The following SYT6 variants were observed in gnomAD, a reference collection of about 807,000 sequenced individuals.
SYT6 encodes the protein synaptotagmin-6.
SYT6 carries 24 observed loss-of-function variants against 38.4 expected under a neutral mutation model. The ratio of observed to expected loss-of-function variants is 0.62; its 90% CI spans 0.45 to 0.88. The LOEUF is 0.88. Ranked by LOEUF, SYT6 falls within the 40% of genes least tolerant of loss-of-function variation. SYT6 has a pLI of 0.00. For synonymous variants in SYT6, 265 were observed against 241.9 expected, an observed-to-expected ratio of 1.10 and a Z score of -0.89; for missense variants, 611 against 621.0, an observed-to-expected ratio of 0.98 and a Z score of 0.17.
intron 3 of SYT6, among the ~76,000 whole-genome samples, chr1:114,106,171 AG>A (rs1676300664): frequency 6.6e-6 from 1 of 152,184 alleles, no homozygotes; most frequent in African/African-American, 2.4e-5. Flanking sequence ...TGAGGTGTAA[AG>A]AGAAGCCCCT....
chr1:114,140,063 C>T (rs897996299), intron 1 of SYT6, 100 bp from the exon 2 acceptor site: 22 of 668,656 alleles, frequency 3.3e-5, no homozygotes, highest in Non-Finnish European at 4.6e-5. Flanking sequence ...GGGACAAAGA[C>T]GGAAGAAGAG....
At chr1:114,111,471 T>C (rs2101012216) in intron 3 of SYT6, among the ~76,000 whole-genome samples, 1 of 152,262 alleles carries the variant, frequency 6.6e-6, no homozygotes, top group Non-Finnish European at 1.5e-5. Flanking sequence ...TGATGACACC[T>C]CCTCACTAAA....
rs1243089680 is a variant in SYT6 at position 114,092,099 on chromosome 1, A to G, written c.*52-17T>C. 3.3e-6 allele frequency: 5 copies of G among 1,535,466 alleles called. No individual in the cohort carries two copies. The highest frequency in any genetic ancestry group is 4.4e-6 in the Non-Finnish European group (5 of 1,146,500). ...GCCCTGCCACTGCAAAGAGGAGAAC[A>G]ATCTGTTTATTAATTGCTAAAGGAA... On this transcript the variant is annotated splice_polypyrimidine_tract_variant and intron_variant, in intron 7 of 7. Coordinates refer to ENST00000610222, the MANE Select transcript of SYT6 (RefSeq NM_001253772.2).
At chr1:114,119,908 A>G (rs2101034888) in intron 3 of SYT6, among the ~76,000 whole-genome samples, 1 of 152,188 alleles carries the variant, frequency 6.6e-6, no homozygotes, top group Admixed American at 6.5e-5. Context: ...TGTCTCTACT[A>G]AAAATACAAA....
At chr1:114,133,115 A>G (rs1233840905) in intron 3 of SYT6, among the ~76,000 whole-genome samples, 3 of 152,054 alleles carry the variant, frequency 2.0e-5, no homozygotes. Context: ...ACACACACAC[A>G]CACAAATGCA....
intron 5 of SYT6, 140 bp from the exon 6 acceptor site, chr1:114,098,017 T>G: frequency 1.0e-6 from 1 of 968,970 alleles, no homozygotes; most frequent in Non-Finnish European, 1.5e-6. Context: ...TTGGCAGGGC[T>G]TCTGGGTGTC....
rs534429124 is a variant in SYT6 at position 114,091,370 on chromosome 1, G to A, written c.*764C>T. On this transcript the variant is annotated 3_prime_UTR_variant, in exon 8 of 8. Coordinates refer to ENST00000610222, the MANE Select transcript of SYT6 (RefSeq NM_001253772.2). ...CTAAGTTCCCATGAGGAATCAAGAC[G>A]TTTTCAATTCATGGGGAAAGCCAGC... is the stretch of plus-strand genomic sequence containing the variant. 2 of 152,522 alleles carry A rather than the reference G, an allele frequency of 1.3e-5. No homozygotes were observed. Among genetic ancestry groups the A allele is most frequent in the South Asian group, 4.1e-4 (2 of 4,830 alleles). 9.4% of individuals were successfully genotyped at this position (152,522 alleles called of 1,614,324 possible).
At chr1:114,135,967 G>A (rs1010549532) in intron 3 of SYT6, among the ~76,000 whole-genome samples, 30 of 152,148 alleles carry the variant, frequency 2.0e-4, no homozygotes, top group African/African-American at 6.3e-4. Flanking sequence ...TCGGGCCTGG[G>A]GCTGCCACAG....
chr1:114,102,929 C>T (rs1025159329), intron 4 of SYT6, among the ~76,000 whole-genome samples: 1 of 152,218 alleles, frequency 6.6e-6, no homozygotes, highest in African/African-American at 2.4e-5. Context: ...AAGACTCAAA[C>T]CTCTGACACT....
intron 1 of SYT6, among the ~76,000 whole-genome samples, chr1:114,147,709 T>A (rs936100603): frequency 1.3e-5 from 2 of 152,258 alleles, no homozygotes; most frequent in Non-Finnish European, 2.9e-5. Context: ...TTGCGTGACC[T>A]TGAGCAAGTT....
Position 114,091,918 on chromosome 1 carries a change from G to T in SYT6, c.*216C>A. On this transcript the variant is annotated 3_prime_UTR_variant, in exon 8 of 8. Transcript: ENST00000610222. ...GGAGTGACGGACGGCTGCCGCTGCT[G>T]CCGCCACTGCGACTGCACAACACTG... is the stretch of plus-strand genomic sequence containing the variant. The T allele has an allele frequency of 7.5e-7, 1 of 1,333,088 alleles. No individual in the cohort carries two copies. Among genetic ancestry groups the T allele is most frequent in the Non-Finnish European group, 1.0e-6 (1 of 968,958 alleles). The allele number at this position is 1,333,088 out of a possible 1,614,324, so 82.6% of individuals were successfully genotyped here. A position where few individuals can be genotyped will look rare whatever the true frequency, so the allele number is the denominator to read the frequency against.
In SYT6 at chr1:114,138,587, A is replaced by G. The variant is rs138818062; in HGVS notation, c.513-534T>C. 4.3e-3 allele frequency among the ~76,000 whole-genome samples: 649 copies of G among 152,360 alleles called. 1 individual carries two copies. Among genetic ancestry groups the G allele is most frequent in the Non-Finnish European group, 6.5e-3 (443 of 68,036 alleles). On this transcript the variant is annotated intron_variant, in intron 2 of 7. Transcript: ENST00000610222. ...GTCACTTTCTAGCTGAGATCTTGGG[A>G]AAGTTATTTAACCTCTCTGTGCCAT...
At chr1:114,094,949 G>A (rs1393271856) in intron 6 of SYT6, among the ~76,000 whole-genome samples, 1 of 152,206 alleles carries the variant, frequency 6.6e-6, no homozygotes, top group Non-Finnish European at 1.5e-5. Flanking sequence ...CAGCCCTGTG[G>A]GGGTTTACAT....
intron 3 of SYT6, among the ~76,000 whole-genome samples, chr1:114,133,079 A>G (rs945543897): frequency 6.6e-6 from 1 of 152,132 alleles, no homozygotes; most frequent in Admixed American, 6.5e-5. Context: ...CTCTGGAAGT[A>G]TATGGAACAC....
At chr1:114,096,088 T>C (rs145251139) in intron 6 of SYT6, among the ~76,000 whole-genome samples, 2 of 152,196 alleles carry the variant, frequency 1.3e-5, no homozygotes, top group Non-Finnish European at 2.9e-5. Context: ...CAAAGGAAGA[T>C]AAGTGGGGGA....
intron 1 of SYT6, among the ~76,000 whole-genome samples, chr1:114,149,407 T>A (rs1442800010): frequency 6.6e-6 from 1 of 151,816 alleles, no homozygotes; most frequent in Non-Finnish European, 1.5e-5. Flanking sequence ...CTTTCAGAGA[T>A]CCAGACTGAG....
At chr1:114,123,916 C>T (rs999233961) in intron 3 of SYT6, among the ~76,000 whole-genome samples, 1 of 152,194 alleles carries the variant, frequency 6.6e-6, no homozygotes, top group African/African-American at 2.4e-5. Context: ...GTGGCATCCT[C>T]TGTTTTATGG....
At chr1:114,117,232 G>A (rs1677050083) in intron 3 of SYT6, among the ~76,000 whole-genome samples, 1 of 152,226 alleles carries the variant, frequency 6.6e-6, no homozygotes, top group Non-Finnish European at 1.5e-5. Context: ...CTGTGAAGCA[G>A]GTGCCTTTCG....
intron 3 of SYT6, among the ~76,000 whole-genome samples, chr1:114,136,999 T>G (rs1485115044): frequency 6.6e-6 from 1 of 152,154 alleles, no homozygotes; most frequent in Non-Finnish European, 1.5e-5. Context: ...TGGGGGCCCG[T>G]GTCTAAATGC....
Sources: allele counts gnomAD v4.1 joint callset (sites outside exome capture counted in the v4.1 genomes callset), GRCh38; gene constraint gnomAD v4.1.1; transcripts MANE v1.5; gene names NCBI Gene and HGNC (gene_info 2026-07-23, HGNC 2026-07-21).